MSH4: variants seen among roughly 807,000 people sequenced by gnomAD.
The protein encoded by MSH4 is mutS homolog 4, also known as mutS protein homolog 4.
A neutral mutation model predicts 113.7 loss-of-function variants in MSH4; 106 were observed. The observed-to-expected ratio is 0.93, with a 90% CI of 0.80 to 1.10. The LOEUF (loss-of-function observed/expected upper bound fraction) is 1.10. Ranked by LOEUF, MSH4 falls within the 50% of genes least tolerant of loss-of-function variation. The pLI is 0.00. For synonymous variants in MSH4, 368 were observed against 380.2 expected (o/e 0.97, Z 0.37); for missense variants, 1,061 against 1,093.7 (o/e 0.97, Z 0.42).
At chr1:75,825,868 G>A (rs1045827800) in intron 7 of MSH4, among the ~76,000 whole-genome samples, 1 of 152,222 alleles carries the variant, frequency 6.6e-6, no homozygotes, top group South Asian at 2.1e-4. Context: ...CGGTTTGCCA[G>A]TATTTTACTG....
intron 7 of MSH4, among the ~76,000 whole-genome samples, chr1:75,834,829 G>T (rs1474807074): frequency 6.6e-6 from 1 of 152,100 alleles, no homozygotes; most frequent in African/African-American, 2.4e-5. Flanking sequence ...TGTAAATGAG[G>T]AGTTAACGGG....
intron 3 of MSH4, among the ~76,000 whole-genome samples, chr1:75,808,565 A>G (rs1650118631): frequency 6.6e-6 from 1 of 152,036 alleles, no homozygotes; most frequent in African/African-American, 2.4e-5. Context: ...GTCTTTTGGT[A>G]TTGGGGTTCT....
chr1:75,803,430 A>G (rs1366836619), intron 1 of MSH4, among the ~76,000 whole-genome samples: 1 of 152,106 alleles, frequency 6.6e-6, no homozygotes, highest in East Asian at 1.9e-4. Context: ...CAGCCCAGCC[A>G]ACATGGTGAA....
In MSH4 at chr1:75,860,805, G is replaced by A. The variant is rs995529632; in HGVS notation, c.1231-6709G>A. ...CTGTATTTCTTGAATTTGAATGTTG[G>A]CCTGTCTTGCTAGGTTGGGGAAGTT... On this transcript the variant is annotated intron_variant, in intron 8 of 19. Coordinates refer to ENST00000263187, the MANE Select transcript of MSH4 (RefSeq NM_002440.4). Among the ~76,000 whole-genome samples the A allele has an allele frequency of 6.6e-5, 10 of 152,100 alleles. No homozygotes were observed. The South Asian group carries it at 1.7e-3, about 25-fold the overall frequency.
In MSH4 at chr1:75,860,690, TA is replaced by T. The variant is rs758599689; in HGVS notation, c.1231-6822del. ...AACCTGACCTTTCTCTGGCTGCCCTTAACATTTTTTCCTTCATTTCAACCTT... is the reference window on the plus strand; with the variant it reads ...AACCTGACCTTTCTCTGGCTGCCCTTACATTTTTTCCTTCATTTCAACCTT... On this transcript the variant is annotated intron_variant, in intron 8 of 19. Transcript: ENST00000263187. 5.3e-5 allele frequency among the ~76,000 whole-genome samples: 8 copies of T among 152,310 alleles called. No homozygotes were observed. The East Asian group carries it at 1.4e-3, about 26-fold the overall frequency.
chr1:75,822,324 T>A, intron 6 of MSH4, 85 bp from the exon 7 acceptor site: 2 of 871,282 alleles, frequency 2.3e-6, no homozygotes, highest in East Asian at 5.7e-5. Flanking sequence ...TGCTGTAGAT[T>A]ATAGGATTAT....
At chr1:75,841,100 G>A (rs1346673059) in intron 7 of MSH4, among the ~76,000 whole-genome samples, 1 of 152,030 alleles carries the variant, frequency 6.6e-6, no homozygotes, top group South Asian at 2.1e-4. Flanking sequence ...GGATATAGTG[G>A]TTAGGATAAG....
intron 17 of MSH4, among the ~76,000 whole-genome samples, chr1:75,897,377 ACCAGT>A (rs1652408577): frequency 1.3e-5 from 2 of 152,122 alleles, no homozygotes; most frequent in South Asian, 4.1e-4. Flanking sequence ...TTTTTCCTCT[ACCAGT>A]ACCTAACCCA....
Position 75,885,055 on chromosome 1 carries a change from G to GTATATA in MSH4, c.2107+1235_2107+1236insATATAT, listed in dbSNP as rs1469516814. Among the ~76,000 whole-genome samples, 408 of 102,240 alleles carry GTATATA rather than the reference G, an allele frequency of 4.0e-3. 5 individuals carry two copies. Among genetic ancestry groups the GTATATA allele is most frequent in the African/African-American group, 7.0e-3 (180 of 25,706 alleles). The allele number at this position is 102,240 out of a possible 152,430, so 67.1% of individuals were successfully genotyped here. ...TGTGTGTGTGTGTGTGTGTGTGTGT[G>GTATATA]TGTGTATATATATATATATACCAGC... On this transcript the variant is annotated intron_variant, in intron 15 of 19. Transcript: ENST00000263187.
At chr1:75,825,134 T>C (rs1287864204) in intron 7 of MSH4, among the ~76,000 whole-genome samples, 1 of 152,188 alleles carries the variant, frequency 6.6e-6, no homozygotes, top group Non-Finnish European at 1.5e-5. Context: ...TCCTCTCTTA[T>C]TTCCTTGAGT....
intron 1 of MSH4, among the ~76,000 whole-genome samples, chr1:75,800,993 ATATGCTG>A (rs1226348833): frequency 2.0e-5 from 3 of 152,210 alleles, no homozygotes; most frequent in African/African-American, 7.2e-5. Context: ...AAATACTCAC[ATATGCTG>A]CTTTATTGAA....
intron 19 of MSH4, among the ~76,000 whole-genome samples, chr1:75,901,447 T>G (rs183609338): frequency 3.9e-5 from 6 of 152,284 alleles, no homozygotes; most frequent in Admixed American, 3.9e-4. Context: ...TCATTTAGCA[T>G]AGTGATTCTT....
chr1:75,879,541 A>G (rs930324959), intron 12 of MSH4, among the ~76,000 whole-genome samples: 1 of 152,180 alleles, frequency 6.6e-6, no homozygotes, highest in Admixed American at 6.5e-5. Context: ...TAGCTCCTTT[A>G]CAATATACCA....
rs5745506 is a variant in MSH4 at position 75,890,734 on chromosome 1, C to G, written c.2265C>G (p.Leu755=). The change falls in exon 17 of 20, where the codon CTC becomes CTG. Residue 755 remains leucine, a synonymous_variant. Transcript: ENST00000263187. ...TACATAATGCTAATGACAAATCGCT[C>G]ATATTAATTGATGAACTTGGCAGAG... ...YILHNANDKS[L]ILIDELGRGT... is the part of the protein sequence containing the mutation. The G allele has an allele frequency of 3.7e-6, 6 of 1,605,970 alleles. No individual in the cohort carries two copies. In the Admixed American group the frequency reaches 5.1e-5, roughly 14 times the overall value.
chr1:75,813,830 G>C (rs1650238193), intron 4 of MSH4, among the ~76,000 whole-genome samples: 1 of 151,772 alleles, frequency 6.6e-6, no homozygotes. Context: ...GGGCAACATA[G>C]TGAGACCCCT....
In MSH4 at chr1:75,807,223, A is replaced by G. The variant is rs536613183; in HGVS notation, c.588+82A>G. 1.6e-4 allele frequency: 182 copies of G among 1,156,512 alleles called. 1 individual carries two copies. In the African/African-American group the frequency reaches 2.6e-3, roughly 17 times the overall value. The allele number at this position is 1,156,512 out of a possible 1,614,324, so 71.6% of individuals were successfully genotyped here. ...AAGTCAGTGCCTTCCCAATTTGTTT[A>G]CTTTTTGGTAGAATAAAGGTTATTC... On this transcript the variant is annotated intron_variant, in intron 3 of 19. Transcript: ENST00000263187.
intron 9 of MSH4, among the ~76,000 whole-genome samples, chr1:75,870,614 C>T (rs557863015): frequency 2.0e-5 from 3 of 152,168 alleles, no homozygotes; most frequent in Non-Finnish European, 4.4e-5. Flanking sequence ...GGGAGTTCCC[C>T]TGCACATGTT....
At chr1:75,807,170 T>G in intron 3 of MSH4, 29 bp downstream of exon 3, 1 of 1,495,986 alleles carries the variant, frequency 6.7e-7, no homozygotes, top group Non-Finnish European at 8.8e-7. Context: ...AGAAAATGGT[T>G]GCTCTGTTAG....
chr1:75,885,063 A>G (rs532509142), intron 15 of MSH4, among the ~76,000 whole-genome samples: 413 of 132,984 alleles, frequency 3.1e-3, no homozygotes, highest in Middle Eastern at 0.019. Flanking sequence ...GTGTGTGTAT[A>G]TATATATATA....
Sources: allele counts gnomAD v4.1 joint callset (sites outside exome capture counted in the v4.1 genomes callset), GRCh38; gene constraint gnomAD v4.1.1; transcripts MANE v1.5; gene names NCBI Gene and HGNC (gene_info 2026-07-23, HGNC 2026-07-21).